The following CSMD1 variants were observed in gnomAD, a reference collection of about 807,000 sequenced individuals.
CSMD1 encodes the protein CUB and sushi domain-containing protein 1.
CSMD1 carries 213 observed loss-of-function variants against 417.5 expected under a neutral mutation model. That is an observed-to-expected ratio of 0.51 (90% CI 0.46 to 0.57). The LOEUF is 0.57. Ranked by LOEUF, CSMD1 falls within the 20% of genes least tolerant of loss-of-function variation. CSMD1 has a pLI of 0.00. For synonymous variants in CSMD1, 2,862 were observed against 1,736.8 expected, an observed-to-expected ratio of 1.65 and a Z score of -16.11; for missense variants, 6,923 against 4,529.7, an observed-to-expected ratio of 1.53 and a Z score of -15.17.
At position 4,137,816 on chromosome 8, in the gene CSMD1, T is replaced by A. The variant is rs549418431; in HGVS notation, c.416-105717A>T. Among the ~76,000 whole-genome samples, 2 of 151,922 alleles carry A rather than the reference T, an allele frequency of 1.3e-5. 1 individual carries two copies. The highest frequency in any genetic ancestry group is 3.9e-4 in the East Asian group (2 of 5,176). On this transcript the variant is annotated intron_variant, in intron 3 of 69. Transcript: ENST00000635120. ...ATCCAAATTAATTTTCCCCTTACAT[T>A]ATGTCAGAAACTCAGTTAGTGTTAT...
chr8:4,284,373 C>CA (rs1796948552), intron 3 of CSMD1, among the ~76,000 whole-genome samples: 2 of 136,170 alleles, frequency 1.5e-5, no homozygotes, highest in South Asian at 2.9e-4. Context: ...CAACCCCCCC[C>CA]ACCCACCCTC....
chr8:3,334,405 C>A (rs1807109961), intron 23 of CSMD1, among the ~76,000 whole-genome samples: 1 of 152,148 alleles, frequency 6.6e-6, no homozygotes, highest in African/African-American at 2.4e-5. Context: ...AGAGTGTATT[C>A]CTGTCCAAAG....
chr8:4,960,840 A>G (rs142691138), intron 1 of CSMD1, among the ~76,000 whole-genome samples: 26 of 152,288 alleles, frequency 1.7e-4, no homozygotes, highest in Middle Eastern at 3.4e-3. Flanking sequence ...ATTCATTTAC[A>G]TCATAAGTTA....
chr8:2,988,382 C>T (rs1806108252), intron 54 of CSMD1, among the ~76,000 whole-genome samples: 1 of 152,150 alleles, frequency 6.6e-6, no homozygotes, highest in South Asian at 2.1e-4. Flanking sequence ...TTAATGTTTG[C>T]ATGCAATACA....
At chr8:4,940,607 T>C (rs11783540) in intron 1 of CSMD1, among the ~76,000 whole-genome samples, 76,373 of 152,004 alleles carry the variant, frequency 0.5, 20,392 homozygotes, top group East Asian at 0.79. Flanking sequence ...TTGATTCTGT[T>C]TATTTCTGGG....
chr8:4,254,067 C>G (rs879731852), intron 3 of CSMD1, among the ~76,000 whole-genome samples: 5 of 151,872 alleles, frequency 3.3e-5, no homozygotes, highest in African/African-American at 4.8e-5. Flanking sequence ...CTGGTGCCCA[C>G]CACCACGCCT....
chr8:4,570,405 G>C (rs1798827986), intron 2 of CSMD1, among the ~76,000 whole-genome samples: 1 of 152,152 alleles, frequency 6.6e-6, no homozygotes, highest in Non-Finnish European at 1.5e-5. Context: ...TGTGGCTTTT[G>C]TCACTGGTTC....
intron 3 of CSMD1, among the ~76,000 whole-genome samples, chr8:4,247,812 G>T (rs910628780): frequency 6.6e-6 from 1 of 152,116 alleles, no homozygotes; most frequent in African/African-American, 2.4e-5. Context: ...CAAAGCAAGT[G>T]CTTAAGTTCA....
chr8:3,517,723 A>G (rs1001113568), intron 10 of CSMD1, among the ~76,000 whole-genome samples: 2 of 152,226 alleles, frequency 1.3e-5, no homozygotes, highest in African/African-American at 2.4e-5. Context: ...TTGATAGTAT[A>G]ACTCATAGGG....
chr8:4,852,923 G>A (rs777829339), intron 1 of CSMD1, among the ~76,000 whole-genome samples: 4 of 152,134 alleles, frequency 2.6e-5, no homozygotes, highest in Non-Finnish European at 5.9e-5. Flanking sequence ...AATGATGAGA[G>A]GGTACATGGC....
chr8:4,935,699 T>G lies in CSMD1; in HGVS notation c.85+58633A>C, dbSNP rs554029955. On this transcript the variant is annotated intron_variant, in intron 1 of 69. Transcript: ENST00000635120. ...AGTTTTACATATTTTTAGTTCTTGT[T>G]AGGATTGAGGAATGGCGTGCAGGCA... Among the ~76,000 whole-genome samples, 7 of 152,318 alleles carry G rather than the reference T, an allele frequency of 4.6e-5. No homozygotes were observed. In the South Asian group the frequency reaches 1.2e-3, roughly 27 times the overall value.
intron 1 of CSMD1, among the ~76,000 whole-genome samples, chr8:4,879,992 C>T (rs1803292554): frequency 1.3e-5 from 2 of 152,062 alleles, no homozygotes; most frequent in Non-Finnish European, 2.9e-5. Flanking sequence ...AATATTATAT[C>T]TGAATCATCC....
chr8:3,854,418 C>G (rs542275876), intron 5 of CSMD1, among the ~76,000 whole-genome samples: 1 of 152,018 alleles, frequency 6.6e-6, no homozygotes, highest in Non-Finnish European at 1.5e-5. Flanking sequence ...CTTTTTAATG[C>G]TACTGTTTAA....
At chr8:3,299,483 G>T (rs982432865) in intron 25 of CSMD1, among the ~76,000 whole-genome samples, 5 of 152,068 alleles carry the variant, frequency 3.3e-5, no homozygotes, top group Non-Finnish European at 7.4e-5. Flanking sequence ...TGGTATCATC[G>T]CTAAGGAACT....
At chr8:3,300,809 A>G (rs1309518622) in intron 25 of CSMD1, among the ~76,000 whole-genome samples, 2 of 127,700 alleles carry the variant, frequency 1.6e-5, no homozygotes, top group Non-Finnish European at 3.8e-5. Context: ...TACAAAAAAA[A>G]TTAGCTGGGT....
chr8:4,205,938 C>G (rs989163577), intron 3 of CSMD1, among the ~76,000 whole-genome samples: 2 of 152,118 alleles, frequency 1.3e-5, no homozygotes, highest in African/African-American at 4.8e-5. Flanking sequence ...TTCTGACTCC[C>G]AAGTTACTTG....
At chr8:3,438,088 G>A (rs1459022204) in intron 12 of CSMD1, among the ~76,000 whole-genome samples, 1 of 152,160 alleles carries the variant, frequency 6.6e-6, no homozygotes, top group Non-Finnish European at 1.5e-5. Flanking sequence ...AAAAGCTTCA[G>A]ACTTAGCTAT....
At chr8:3,189,055 C>T in intron 34 of CSMD1, 44 bp from the exon 35 acceptor site, 2 of 1,579,012 alleles carry the variant, frequency 1.3e-6, no homozygotes, top group Non-Finnish European at 1.7e-6. Flanking sequence ...TGCTGTGGGA[C>T]AGTGTTGATT....
chr8:3,395,147 A>G (rs1811608037), intron 17 of CSMD1, among the ~76,000 whole-genome samples: 1 of 152,328 alleles, frequency 6.6e-6, no homozygotes, highest in South Asian at 2.1e-4. Flanking sequence ...CATAGTAGAC[A>G]TGATTCTATG....
Sources: allele counts gnomAD v4.1 joint callset (sites outside exome capture counted in the v4.1 genomes callset), GRCh38; gene constraint gnomAD v4.1.1; transcripts MANE v1.5; gene names NCBI Gene and HGNC (gene_info 2026-07-23, HGNC 2026-07-21).